OSBPL6: variants seen among roughly 807,000 people sequenced by gnomAD.
The protein encoded by OSBPL6 is oxysterol-binding protein-related protein 6.
A neutral mutation model predicts 125.8 loss-of-function variants in OSBPL6; 49 were observed. That is an observed-to-expected ratio of 0.39 (90% CI 0.31 to 0.49). The LOEUF (loss-of-function observed/expected upper bound fraction) is 0.49, where lower values mean the gene tolerates loss of function less well. Ranked by LOEUF, OSBPL6 falls within the 20% of genes least tolerant of loss-of-function variation. The pLI is 0.88. For missense variants in OSBPL6, 986 were observed against 1,135.4 expected, an observed-to-expected ratio of 0.87 and a Z score of 1.89; for synonymous variants, 394 against 391.8, an observed-to-expected ratio of 1.01 and a Z score of -0.07.
chr2:178,242,769 C>T (rs1016477548), intron 1 of OSBPL6, among the ~76,000 whole-genome samples: 1 of 151,998 alleles, frequency 6.6e-6, no homozygotes, highest in Non-Finnish European at 1.5e-5. Context: ...GATATCGATG[C>T]GTTAAGTTTT....
chr2:178,383,493 G>C (rs1694674330), intron 17 of OSBPL6, among the ~76,000 whole-genome samples: 1 of 152,216 alleles, frequency 6.6e-6, no homozygotes. Context: ...TTGGTCTAGA[G>C]TGTTTCTAAA....
chr2:178,320,385 A>G (rs920962792), intron 3 of OSBPL6: 1 of 1,613,260 alleles, frequency 6.2e-7, no homozygotes, highest in South Asian at 1.1e-5. Flanking sequence ...ATCTCTGATC[A>G]GGGGAAACAG....
At chr2:178,255,196 T>G (rs184395966) in intron 1 of OSBPL6, among the ~76,000 whole-genome samples, 60 of 152,230 alleles carry the variant, frequency 3.9e-4, no homozygotes, top group African/African-American at 1.4e-3. Flanking sequence ...CCCAGCTACT[T>G]GGGAGGCTGA....
intron 12 of OSBPL6, among the ~76,000 whole-genome samples, chr2:178,355,613 A>G (rs1264255156): frequency 6.6e-6 from 1 of 152,202 alleles, no homozygotes; most frequent in Non-Finnish European, 1.5e-5. Flanking sequence ...CCAACCAAAA[A>G]AAGTACAGGA....
intron 13 of OSBPL6, among the ~76,000 whole-genome samples, chr2:178,370,355 A>T (rs374404044): frequency 6.6e-6 from 1 of 152,204 alleles, no homozygotes; most frequent in Admixed American, 6.5e-5. Context: ...ACACCAAAGC[A>T]TATCTGGTTC....
chr2:178,377,327 C>T (rs766348493), intron 15 of OSBPL6, among the ~76,000 whole-genome samples: 1 of 152,178 alleles, frequency 6.6e-6, no homozygotes, highest in Non-Finnish European at 1.5e-5. Flanking sequence ...TACCAGATCA[C>T]GCAAGAACTC....
chr2:178,359,336 C>A (rs1373785588), intron 12 of OSBPL6, among the ~76,000 whole-genome samples: 1 of 152,048 alleles, frequency 6.6e-6, no homozygotes, highest in African/African-American at 2.4e-5. Flanking sequence ...TAGGGAAATG[C>A]AAATCAAAAC....
intron 1 of OSBPL6, among the ~76,000 whole-genome samples, chr2:178,222,477 A>G (rs750990146): frequency 2.0e-5 from 3 of 152,174 alleles, no homozygotes; most frequent in Admixed American, 2.0e-4. Flanking sequence ...CCCCGTCTCT[A>G]CTAAAAATAC....
At chr2:178,217,941 G>A (rs186580231) in intron 1 of OSBPL6, among the ~76,000 whole-genome samples, 92 of 152,296 alleles carry the variant, frequency 6.0e-4, no homozygotes, top group East Asian at 3.9e-4. Flanking sequence ...GAGGACTTCC[G>A]TGTCCTCACT....
At chr2:178,331,429 C>G in intron 5 of OSBPL6, 123 bp from the exon 6 acceptor site, 1 of 1,014,108 alleles carries the variant, frequency 9.9e-7, no homozygotes, top group Non-Finnish European at 1.6e-6. Context: ...GCACTGAATC[C>G]AGATACATTA....
At chr2:178,351,919 T>A (rs1368700917) in intron 12 of OSBPL6, among the ~76,000 whole-genome samples, 1 of 152,154 alleles carries the variant, frequency 6.6e-6, no homozygotes, top group Non-Finnish European at 1.5e-5. Context: ...GATGAAATAA[T>A]CTGTACAATG....
intron 1 of OSBPL6, among the ~76,000 whole-genome samples, chr2:178,267,495 T>C (rs544318337): frequency 7.5e-4 from 113 of 151,440 alleles, no homozygotes; most frequent in Admixed American, 1.6e-3. Context: ...AAACTGAAAA[T>C]AACAAAAGCT....
intron 13 of OSBPL6, among the ~76,000 whole-genome samples, chr2:178,370,393 T>A (rs995982793): frequency 9.9e-5 from 15 of 152,222 alleles, no homozygotes; most frequent in African/African-American, 3.4e-4. Flanking sequence ...AAGGCAACTA[T>A]GCATTTACTT....
chr2:178,400,809 G>A lies in OSBPL6; in HGVS notation c.*5250G>A, dbSNP rs527991466. 6.6e-6 allele frequency: 1 copy of A among 152,170 alleles called. No individual in the cohort carries two copies. The highest frequency in any genetic ancestry group is 1.9e-4 in the East Asian group (1 of 5,176). The allele number at this position is 152,170 out of a possible 1,614,324, so 9.4% of individuals were successfully genotyped here. On this transcript the variant is annotated 3_prime_UTR_variant, in exon 25 of 25. Transcript: ENST00000190611. ...CTGCTTTTATTATTTTTAAAAGTTA[G>A]CGTATTTTCTTATATGTATTGCATA... is the stretch of plus-strand genomic sequence containing the variant.
rs1574820583 is a variant in OSBPL6 at position 178,306,239 on chromosome 2, C to T, written c.55C>T (p.His19Tyr). ...SPAHKTSTPT[H>Y]RSASSSTSSQ... ...TGCTCATAAAACATCCACTCCAACC[C>T]ATAGAAGTGCCTCCTCTTCAACATC... The change falls in exon 3 of 25, where the codon CAT becomes TAT. Residue 19 changes from histidine (H) to tyrosine (Y), a missense_variant. This residue lies in a region of OSBPL6 where 130 missense variants were observed against 106.4 expected (regional missense o/e 1.22). Coordinates refer to ENST00000190611, the MANE Select transcript of OSBPL6 (RefSeq NM_032523.4). 3 of 1,613,810 alleles carry T rather than the reference C, an allele frequency of 1.9e-6. No individual in the cohort carries two copies. Among genetic ancestry groups the T allele is most frequent in the African/African-American group, 2.7e-5 (2 of 75,000 alleles).
At chr2:178,378,987 A>G (rs74927091) in intron 15 of OSBPL6, among the ~76,000 whole-genome samples, 24,746 of 151,904 alleles carry the variant, frequency 0.16, 2,661 homozygotes, top group East Asian at 0.45. Flanking sequence ...CAATACAGGG[A>G]GCCCCCACCT....
intron 1 of OSBPL6, among the ~76,000 whole-genome samples, chr2:178,238,915 G>T (rs182445079): frequency 4.2e-4 from 64 of 152,176 alleles, no homozygotes; most frequent in Non-Finnish European, 2.9e-5. Flanking sequence ...CCCCTCTCCC[G>T]CCTGTTAACA....
chr2:178,372,161 G>T lies in OSBPL6; in HGVS notation c.1323G>T (p.Leu441Phe). 1 of 1,613,180 alleles carries T rather than the reference G, an allele frequency of 6.2e-7. No homozygotes were observed. The highest frequency in any genetic ancestry group is 1.1e-5 in the South Asian group (1 of 90,986). ...AGAATGCTGAACTAAGGAGTCGGTT[G>T]AACAGAATACATTCAGAGTCTATTA... is the stretch of plus-strand genomic sequence containing the variant. The part of the protein sequence containing the change: ...LNQNAELRSR[L>F]NRIHSESIIC... Residue 441 changes from leucine to phenylalanine, a missense_variant, in exon 14 of 25, where the codon TTG becomes TTT. Leu to Phe is a conservative substitution (Grantham distance 22). Transcript: ENST00000190611.
At chr2:178,356,643 T>G (rs1037154567) in intron 12 of OSBPL6, among the ~76,000 whole-genome samples, 2 of 152,152 alleles carry the variant, frequency 1.3e-5, no homozygotes, top group African/African-American at 2.4e-5. Flanking sequence ...GAATCAATAT[T>G]GTGAAAATGG....
Sources: allele counts gnomAD v4.1 joint callset (sites outside exome capture counted in the v4.1 genomes callset), GRCh38; gene constraint gnomAD v4.1.1; regional missense constraint gnomAD v4.1.1; transcripts MANE v1.5; gene names NCBI Gene and HGNC (gene_info 2026-07-23, HGNC 2026-07-21).